Variants in SDK1 observed in about 807,000 individuals in gnomAD.
SDK1 encodes the protein protein sidekick-1.
SDK1 carries 157 observed loss-of-function variants against 245.5 expected under a neutral mutation model. The observed-to-expected ratio is 0.64, with a 90% CI of 0.56 to 0.73. The LOEUF (loss-of-function observed/expected upper bound fraction) is 0.73. Among genes scored for constraint, SDK1 ranks in the 30% least tolerant of loss-of-function variants. SDK1 has a pLI of 0.00. For synonymous variants in SDK1, 1,647 were observed against 1,278.5 expected (o/e 1.29, Z -6.15); for missense variants, 3,583 against 3,002.3 (o/e 1.19, Z -4.52).
chr7:4,247,855 G>A (rs1212946336), intron 44 of SDK1, among the ~76,000 whole-genome samples: 1 of 152,118 alleles, frequency 6.6e-6, no homozygotes, highest in Non-Finnish European at 1.5e-5. Context: ...AGACCCCCGT[G>A]TCTCCAGAGC....
At chr7:3,655,524 G>C (rs1207199916) in intron 4 of SDK1, among the ~76,000 whole-genome samples, 1 of 115,726 alleles carries the variant, frequency 8.6e-6, no homozygotes, top group Non-Finnish European at 1.7e-5. Context: ...TATATAAAAT[G>C]TGCTAGTAAA....
In SDK1 at chr7:4,107,878, C is replaced by T. The variant is rs141396520; in HGVS notation, c.3325-2785C>T. Among the ~76,000 whole-genome samples the T allele has an allele frequency of 5.1e-3, 770 of 152,260 alleles. 3 individuals are homozygous for T. Among genetic ancestry groups the T allele is most frequent in the Non-Finnish European group, 8.6e-3 (583 of 68,016 alleles). ...GGCCTGTAAGGTGTCGTGAGCTGTG[C>T]CGATGTGTGACAAACATTTGGTGAC... On this transcript the variant is annotated intron_variant, in intron 22 of 44. Transcript: ENST00000404826.
intron 5 of SDK1, among the ~76,000 whole-genome samples, chr7:3,841,289 G>C (rs541972393): frequency 7.8e-4 from 119 of 152,310 alleles, no homozygotes; most frequent in African/African-American, 2.6e-3. Context: ...CTTCGCAGCT[G>C]TTTGCATTGT....
chr7:3,557,272 G>A (rs1196740434), intron 1 of SDK1, among the ~76,000 whole-genome samples: 1 of 152,192 alleles, frequency 6.6e-6, no homozygotes, highest in Non-Finnish European at 1.5e-5. Flanking sequence ...CAACAGTACA[G>A]ATCCTAAAGC....
intron 5 of SDK1, among the ~76,000 whole-genome samples, chr7:3,886,910 C>T (rs904572078): frequency 6.6e-5 from 10 of 152,112 alleles, no homozygotes; most frequent in Non-Finnish European, 7.4e-5. Flanking sequence ...AATGAGATCT[C>T]AATTTAAAAA....
intron 17 of SDK1, among the ~76,000 whole-genome samples, chr7:4,046,628 C>T (rs1789032809): frequency 6.6e-6 from 1 of 152,180 alleles, no homozygotes; most frequent in Non-Finnish European, 1.5e-5. Context: ...TGCCTGTCTT[C>T]TCTGATCAGT....
intron 1 of SDK1, among the ~76,000 whole-genome samples, chr7:3,334,828 T>C (rs1256871190): frequency 2.0e-5 from 3 of 152,206 alleles, no homozygotes; most frequent in Non-Finnish European, 4.4e-5. Context: ...TCATCTTAGA[T>C]AGCTCATAGG....
chr7:3,587,517 G>T (rs1420057084), intron 1 of SDK1, among the ~76,000 whole-genome samples: 1 of 152,152 alleles, frequency 6.6e-6, no homozygotes, highest in Non-Finnish European at 1.5e-5. Context: ...GCCAAGTACA[G>T]GAGAAGATTG....
Position 3,987,235 on chromosome 7 carries a change from C to G in SDK1, c.2044C>G (p.His682Asp). 2 of 1,614,160 alleles carry G rather than the reference C, an allele frequency of 1.2e-6. No homozygotes were observed. The highest frequency in any genetic ancestry group is 1.7e-6 in the Non-Finnish European group (2 of 1,179,992). ...CCTCCTGGTCAGCCCTAATTCTTCCCACAGCCACGCCGTGGTGCTCTCTTG... is the reference window on the plus strand; with the variant it reads ...CCTCCTGGTCAGCCCTAATTCTTCCGACAGCCACGCCGTGGTGCTCTCTTG... ...QNLLVSPNSSHSHAVVLSWVR... is the reference protein window; with the variant it reads ...QNLLVSPNSSDSHAVVLSWVR... The change falls in exon 14 of 45, where the codon CAC becomes GAC. Residue 682 changes from histidine to aspartate, a missense_variant. Coordinates refer to ENST00000404826, the MANE Select transcript of SDK1 (RefSeq NM_152744.4).
chr7:3,988,469 C>G (rs1038731127), intron 14 of SDK1, among the ~76,000 whole-genome samples: 3 of 152,152 alleles, frequency 2.0e-5, no homozygotes, highest in African/African-American at 4.8e-5. Context: ...CCAGGCCACT[C>G]CCCTGTCCAC....
At chr7:3,574,866 A>T (rs1477938795) in intron 1 of SDK1, among the ~76,000 whole-genome samples, 1 of 152,056 alleles carries the variant, frequency 6.6e-6, no homozygotes, top group East Asian at 1.9e-4. Flanking sequence ...GAGAAGTACC[A>T]ATTTTACAAA....
intron 19 of SDK1, among the ~76,000 whole-genome samples, chr7:4,063,617 C>T (rs754562968): frequency 3.0e-5 from 4 of 135,350 alleles, no homozygotes; most frequent in Non-Finnish European, 6.2e-5. Flanking sequence ...AAACAAAAAA[C>T]CCCGTAAATT....
chr7:3,669,885 C>T (rs547139041), intron 4 of SDK1, among the ~76,000 whole-genome samples: 1 of 152,276 alleles, frequency 6.6e-6, no homozygotes, highest in South Asian at 2.1e-4. Flanking sequence ...ACCCTATTTT[C>T]CCTGCCTTAC....
At chr7:3,948,489 C>T (rs889736562) in intron 5 of SDK1, among the ~76,000 whole-genome samples, 2 of 152,140 alleles carry the variant, frequency 1.3e-5, no homozygotes, top group Non-Finnish European at 2.9e-5. Flanking sequence ...GTCTCGATCT[C>T]CTGACCTCGT....
At chr7:3,931,431 G>A (rs894407575) in intron 5 of SDK1, among the ~76,000 whole-genome samples, 2 of 152,154 alleles carry the variant, frequency 1.3e-5, no homozygotes, top group East Asian at 3.8e-4. Flanking sequence ...AGACTCTGAG[G>A]TTCAAAACCT....
chr7:3,851,616 T>C (rs1365452864), intron 5 of SDK1, among the ~76,000 whole-genome samples: 1 of 152,176 alleles, frequency 6.6e-6, no homozygotes, highest in African/African-American at 2.4e-5. Flanking sequence ...ATGTGTATTT[T>C]TAAGAGGAGA....
At position 3,962,766 on chromosome 7, in the gene SDK1, G is replaced by A; in HGVS notation, c.1344G>A (p.Leu448=). Residue 448 remains leucine (L), a synonymous_variant, in exon 9 of 45, where the codon CTG becomes CTA. Coordinates refer to ENST00000404826, the MANE Select transcript of SDK1 (RefSeq NM_152744.4). ...GCGGAGGCCTGCGCATCCAGAAGCT[G>A]CGTCCAGAGGACTCCGGAATCTTCC... The part of the protein sequence containing the change: ...LASGGLRIQK[L]RPEDSGIFQC... The A allele has an allele frequency of 6.2e-7, 1 of 1,613,754 alleles. No homozygotes were observed.
chr7:3,960,213 C>A (rs972624504), intron 8 of SDK1, among the ~76,000 whole-genome samples: 1 of 152,190 alleles, frequency 6.6e-6, no homozygotes, highest in African/African-American at 2.4e-5. Context: ...AGGCACTGGG[C>A]CACTCAATGA....
chr7:3,668,942 G>A (rs1165768086), intron 4 of SDK1, among the ~76,000 whole-genome samples: 2 of 152,216 alleles, frequency 1.3e-5, no homozygotes, highest in Non-Finnish European at 2.9e-5. Context: ...CCTGTGTGAC[G>A]TCATGGGAGG....
Sources: gnomAD v4.1 joint callset for allele counts (sites outside exome capture counted in the v4.1 genomes callset) on GRCh38, gnomAD v4.1.1 for gene constraint, MANE v1.5 for transcripts, NCBI Gene and HGNC (gene_info 2026-07-23, HGNC 2026-07-21) for gene names.